Variants in AKT3 observed in about 807,000 individuals in gnomAD.
AKT3 encodes AKT serine/threonine kinase 3, also known as RAC-gamma serine/threonine-protein kinase.
In AKT3, 15 loss-of-function variants were observed where a neutral mutation model predicts 65.3. That is an observed-to-expected ratio of 0.23 (90% CI 0.15 to 0.35). The LOEUF is 0.35. Among genes scored for constraint, AKT3 ranks in the 10% least tolerant of loss-of-function variants. AKT3 has a pLI of 1.00. For synonymous variants in AKT3, 206 were observed against 183.8 expected (o/e 1.12, Z -0.98); for missense variants, 243 against 576.5 (o/e 0.42, Z 5.92).
At chr1:243,812,824 G>T (rs954584989) in intron 2 of AKT3, among the ~76,000 whole-genome samples, 1 of 152,088 alleles carries the variant, frequency 6.6e-6, no homozygotes, top group African/African-American at 2.4e-5. Context: ...TATATACCAT[G>T]GAATACTATG....
intron 2 of AKT3, among the ~76,000 whole-genome samples, chr1:243,819,916 C>G (rs907260354): frequency 1.4e-4 from 22 of 151,772 alleles, no homozygotes; most frequent in African/African-American, 4.8e-4. Flanking sequence ...GGGAGAGGGG[C>G]CTGTTTTTTT....
chr1:243,782,869 T>C (rs369508686), intron 2 of AKT3, among the ~76,000 whole-genome samples: 10 of 152,202 alleles, frequency 6.6e-5, no homozygotes, highest in Non-Finnish European at 1.3e-4. Context: ...AGGAAATATA[T>C]GAGACTCTGG....
At chr1:243,512,770 G>A (rs1670098745) in intron 12 of AKT3, among the ~76,000 whole-genome samples, 1 of 152,126 alleles carries the variant, frequency 6.6e-6, no homozygotes, top group African/African-American at 2.4e-5. Flanking sequence ...GCCAGGATGT[G>A]GGCTCTTCCT....
chr1:243,552,713 G>A lies in AKT3; in HGVS notation c.1163+16C>T, dbSNP rs781443210. 122 of 1,604,644 alleles carry A rather than the reference G, an allele frequency of 7.6e-5. No homozygotes were observed. The East Asian group carries it at 2.0e-3, about 26-fold the overall frequency. On this transcript the variant is annotated intron_variant, in intron 11 of 13. Coordinates refer to ENST00000673466, the MANE Select transcript of AKT3 (RefSeq NM_005465.7). The stretch of plus-strand genomic sequence containing the variant: ...CACATTCATCAGTAATTCACTAAGC[G>A]TTATTTGAGGCTTACCGTTTATTTG...
intron 8 of AKT3, among the ~76,000 whole-genome samples, chr1:243,603,065 T>G (rs1677132101): frequency 6.6e-6 from 1 of 152,260 alleles, no homozygotes; most frequent in South Asian, 2.1e-4. Context: ...GATATTTTTC[T>G]GCTTCTCATG....
chr1:243,767,010 A>T (rs1428303590), intron 2 of AKT3, among the ~76,000 whole-genome samples: 1 of 152,150 alleles, frequency 6.6e-6, no homozygotes, highest in Non-Finnish European at 1.5e-5. Flanking sequence ...TACAACACTA[A>T]AGAGAAGTTC....
At chr1:243,615,392 TAATC>T (rs1255340316) in intron 6 of AKT3, among the ~76,000 whole-genome samples, 3 of 152,290 alleles carry the variant, frequency 2.0e-5, no homozygotes, top group Admixed American at 6.5e-5. Context: ...CACTCATACT[TAATC>T]AAAGTATATC....
intron 3 of AKT3, among the ~76,000 whole-genome samples, chr1:243,694,950 A>C (rs777674578): frequency 1.5e-4 from 23 of 152,152 alleles, no homozygotes; most frequent in Non-Finnish European, 3.1e-4. Context: ...AATTAACACA[A>C]AGATTCTCTA....
intron 2 of AKT3, among the ~76,000 whole-genome samples, chr1:243,750,408 T>TACACACAC (rs56210876): frequency 5.4e-5 from 8 of 149,288 alleles, no homozygotes; most frequent in African/African-American, 2.0e-4. Context: ...CATGCACGTA[T>TACACACAC]ACACACACAC....
At chr1:243,523,374 G>C (rs573347183) in intron 12 of AKT3, among the ~76,000 whole-genome samples, 8 of 151,200 alleles carry the variant, frequency 5.3e-5, no homozygotes, top group Non-Finnish European at 7.4e-5. Context: ...CTAAACATCA[G>C]AACAGGAACA....
At chr1:243,757,103 G>A (rs1407010177) in intron 2 of AKT3, among the ~76,000 whole-genome samples, 2 of 152,192 alleles carry the variant, frequency 1.3e-5, no homozygotes, top group Non-Finnish European at 2.9e-5. Flanking sequence ...ACAATCAAAT[G>A]CACAGATCCT....
At chr1:243,531,665 A>G (rs570549816) in intron 12 of AKT3, among the ~76,000 whole-genome samples, 26 of 152,288 alleles carry the variant, frequency 1.7e-4, no homozygotes, top group African/African-American at 5.8e-4. Flanking sequence ...GTATTCTACC[A>G]TAAGATTAAG....
chr1:243,711,211 C>T lies in AKT3; in HGVS notation c.47-15495G>A, dbSNP rs543695696. Reference sequence around the variant, plus strand: ...GCACGTGCCTGTAGTCCCAGCTACTCGGGAGGCTGAGGCAGGAGAATCGCT... The same window carrying T: ...GCACGTGCCTGTAGTCCCAGCTACTTGGGAGGCTGAGGCAGGAGAATCGCT... On this transcript the variant is annotated intron_variant, in intron 2 of 13. Transcript: ENST00000673466. 2.0e-5 allele frequency among the ~76,000 whole-genome samples: 3 copies of T among 152,092 alleles called. No homozygotes were observed. The East Asian group carries it at 5.8e-4, about 29-fold the overall frequency.
intron 2 of AKT3, among the ~76,000 whole-genome samples, chr1:243,754,744 C>A (rs554772607): frequency 6.6e-6 from 1 of 152,160 alleles, no homozygotes; most frequent in Admixed American, 6.5e-5. Flanking sequence ...AGTTTCATCC[C>A]AAAACCGTCC....
At chr1:243,747,589 T>C (rs1004161507) in intron 2 of AKT3, among the ~76,000 whole-genome samples, 4 of 152,212 alleles carry the variant, frequency 2.6e-5, no homozygotes, top group Non-Finnish European at 5.9e-5. Context: ...AAATGACTTC[T>C]TTCCCAAGAC....
At chr1:243,722,375 T>C (rs1399425691) in intron 2 of AKT3, among the ~76,000 whole-genome samples, 1 of 152,162 alleles carries the variant, frequency 6.6e-6, no homozygotes, top group Non-Finnish European at 1.5e-5. Flanking sequence ...AGCAGCTCCA[T>C]CTAAATGTTA....
At chr1:243,656,995 A>G (rs1255993610) in intron 4 of AKT3, among the ~76,000 whole-genome samples, 1 of 152,212 alleles carries the variant, frequency 6.6e-6, no homozygotes, top group Non-Finnish European at 1.5e-5. Flanking sequence ...CACAGAAATA[A>G]TACATAAAAC....
intron 8 of AKT3, among the ~76,000 whole-genome samples, chr1:243,601,947 C>G (rs1394731141): frequency 6.6e-6 from 1 of 152,124 alleles, no homozygotes; most frequent in Non-Finnish European, 1.5e-5. Context: ...AATACCCACT[C>G]TGTGGTAAGC....
chr1:243,834,813 A>T (rs898807689), intron 2 of AKT3, among the ~76,000 whole-genome samples: 4 of 152,234 alleles, frequency 2.6e-5, no homozygotes, highest in Admixed American at 6.5e-5. Flanking sequence ...TAGGAAAAAA[A>T]TTTTTTAACT....
Sources: gnomAD v4.1 joint callset for allele counts (sites outside exome capture counted in the v4.1 genomes callset) on GRCh38, gnomAD v4.1.1 for gene constraint, MANE v1.5 for transcripts, NCBI Gene and HGNC (gene_info 2026-07-23, HGNC 2026-07-21) for gene names.